CCDC28A: variants seen among roughly 807,000 people sequenced by gnomAD.
The protein encoded by CCDC28A is coiled-coil domain containing 28A.
Under a neutral mutation model 22.1 loss-of-function variants are expected in CCDC28A, and 24 were observed. The ratio of observed to expected loss-of-function variants is 1.09; its 90% CI spans 0.79 to 1.53. The LOEUF is 1.53. Ranked by LOEUF, CCDC28A falls within the 40% of genes most tolerant of loss-of-function variation. The pLI is 0.00. For synonymous variants in CCDC28A, 83 were observed against 74.7 expected (o/e 1.11, Z -0.57); for missense variants, 170 against 210.7 (o/e 0.81, Z 1.20).
Position 138,779,820 on chromosome 6 carries a change from A to C in CCDC28A, c.159-2A>C. On this transcript the variant is annotated splice_acceptor_variant, in intron 2 of 5. Transcript: ENST00000617445. LOFTEE classifies it high-confidence loss of function. ...AAAGCCTAAATTTCATCGTCTTTACAGAGTGATGAAAGAAAAGACCAAACC... is the reference window on the plus strand; with the variant it reads ...AAAGCCTAAATTTCATCGTCTTTACCGAGTGATGAAAGAAAAGACCAAACC... The C allele has an allele frequency of 6.2e-7, 1 of 1,609,390 alleles. No individual in the cohort carries two copies. Among genetic ancestry groups the C allele is most frequent in the Non-Finnish European group, 8.5e-7 (1 of 1,178,306 alleles).
Position 138,779,918 on chromosome 6 carries a change from T to C in CCDC28A, c.255T>C (p.Val85=). Residue 85 remains valine, a synonymous_variant, in exon 3 of 6, where the codon GTT becomes GTC. Transcript: ENST00000617445. ...CCTTCCTCACTGATGTCTCAGATGT[T>C]CAGGAGATGGAGAGAGGGCTGCTCA... is the stretch of plus-strand genomic sequence containing the variant. The part of the protein sequence containing the change: ...QHSFLTDVSD[V]QEMERGLLSL... 1 of 1,613,918 alleles carries C rather than the reference T, an allele frequency of 6.2e-7. No homozygotes were observed. Among genetic ancestry groups the C allele is most frequent in the Non-Finnish European group, 8.5e-7 (1 of 1,179,800 alleles).
intron 4 of CCDC28A, among the ~76,000 whole-genome samples, chr6:138,785,640 G>A (rs1775085017): frequency 6.6e-6 from 1 of 152,100 alleles, no homozygotes; most frequent in Non-Finnish European, 1.5e-5. Context: ...TTTCATATCA[G>A]TGGAATTATG....
rs151049009 is a variant in CCDC28A at position 138,773,818 on chromosome 6, T to A, written c.-127T>A. 6.2e-7 allele frequency: 1 copy of A among 1,613,988 alleles called. No individual in the cohort carries two copies. The highest frequency in any genetic ancestry group is 8.5e-7 in the Non-Finnish European group (1 of 1,180,012). On this transcript the variant is annotated 5_prime_UTR_variant, in exon 1 of 6. Coordinates refer to ENST00000617445, the MANE Select transcript of CCDC28A (RefSeq NM_015439.3). Reference sequence around the variant, plus strand: ...GCGGGTCCCGGGATGTGACCGGGGCTCTGCTTGTGGCTGCGGCGGTGGCTT... The same window carrying A: ...GCGGGTCCCGGGATGTGACCGGGGCACTGCTTGTGGCTGCGGCGGTGGCTT...
intron 1 of CCDC28A, among the ~76,000 whole-genome samples, chr6:138,775,152 G>A (rs1398542096): frequency 6.6e-6 from 1 of 152,222 alleles, no homozygotes; most frequent in Non-Finnish European, 1.5e-5. Context: ...TGTTAGCCAG[G>A]ATGGTCTCGA....
chr6:138,789,948 A>G (rs186853457), intron 5 of CCDC28A, among the ~76,000 whole-genome samples: 42 of 152,244 alleles, frequency 2.8e-4, no homozygotes, highest in Admixed American at 1.0e-3. Flanking sequence ...TATGCCCCCC[A>G]TTTTGCAGAT....
intron 3 of CCDC28A, among the ~76,000 whole-genome samples, chr6:138,781,541 GA>G (rs1327502241): frequency 3.9e-5 from 6 of 152,070 alleles, no homozygotes; most frequent in African/African-American, 1.4e-4. Flanking sequence ...AATAATTTAT[GA>G]AAAAATGCTT....
chr6:138,778,109 G>A (rs1774963078), intron 2 of CCDC28A, among the ~76,000 whole-genome samples: 1 of 152,160 alleles, frequency 6.6e-6, no homozygotes, highest in African/African-American at 2.4e-5. Context: ...AACAATGTAT[G>A]TATTCTAAAC....
At chr6:138,775,333 C>T (rs1774914105) in intron 1 of CCDC28A, among the ~76,000 whole-genome samples, 1 of 152,080 alleles carries the variant, frequency 6.6e-6, no homozygotes, top group Non-Finnish European at 1.5e-5. Context: ...ACACGTATTC[C>T]GCATGGAAGG....
chr6:138,779,673 G>A (rs1414190467), intron 2 of CCDC28A, 149 bp from the exon 3 acceptor site: 3 of 467,636 alleles, frequency 6.4e-6, no homozygotes, highest in Non-Finnish European at 1.1e-5. Flanking sequence ...TTTTTCTTTT[G>A]GTTTCTGGCT....
intron 1 of CCDC28A, 143 bp downstream of exon 1, chr6:138,774,045 GC>G: frequency 2.0e-6 from 2 of 1,010,032 alleles, no homozygotes; most frequent in Non-Finnish European, 2.9e-6. Flanking sequence ...CAAGAGGGAT[GC>G]CCAGTGGTAC....
At chr6:138,777,722 A>G (rs1583520065) in intron 2 of CCDC28A, among the ~76,000 whole-genome samples, 4 of 152,304 alleles carry the variant, frequency 2.6e-5, no homozygotes, top group African/African-American at 9.6e-5. Context: ...AAGCAGGAAT[A>G]AACAGGTTTT....
intron 1 of CCDC28A, among the ~76,000 whole-genome samples, chr6:138,774,490 C>T (rs1774895276): frequency 6.6e-6 from 1 of 152,180 alleles, no homozygotes; most frequent in African/African-American, 2.4e-5. Context: ...AAAAATGCTT[C>T]TTAAAAGAAA....
At chr6:138,781,730 C>G (rs1028621150) in intron 3 of CCDC28A, among the ~76,000 whole-genome samples, 1 of 152,000 alleles carries the variant, frequency 6.6e-6, no homozygotes, top group Admixed American at 6.6e-5. Flanking sequence ...GTTATTTATC[C>G]TTTTGTTGTT....
intron 5 of CCDC28A, 21 bp downstream of exon 5, chr6:138,788,409 A>G: frequency 1.6e-6 from 2 of 1,212,338 alleles, no homozygotes. Flanking sequence ...TCTGCTATCA[A>G]CAGTGAAAAG....
At chr6:138,792,294 C>T (rs1342541004) in intron 5 of CCDC28A, among the ~76,000 whole-genome samples, 7 of 151,858 alleles carry the variant, frequency 4.6e-5, no homozygotes, top group Non-Finnish European at 8.8e-5. Flanking sequence ...TTTGGGAGGC[C>T]GAGGCAGGAA....
chr6:138,788,365 GT>G lies in CCDC28A; in HGVS notation c.479del (p.Leu160Ter). 1 of 1,202,018 alleles carries G rather than the reference GT, an allele frequency of 8.3e-7. No individual in the cohort carries two copies. The highest frequency in any genetic ancestry group is 1.6e-5 in the African/African-American group (1 of 62,678). 74.5% of individuals were successfully genotyped at this position (1,202,018 alleles called of 1,614,324 possible). A position where few individuals can be genotyped will look rare whatever the true frequency, so the allele number is the denominator to read the frequency against. On this transcript the variant is annotated frameshift_variant and splice_region_variant, in exon 5 of 6. Transcript: ENST00000617445. LOFTEE classifies it high-confidence loss of function. ...AATAAATTTGTTTCTTTGTTTTACA[GT>G]TAGAAGAATTGAATTCTTCCATGTA... ...DSNLDRLLSD[L>X]EELNSSIQKL...
intron 4 of CCDC28A, among the ~76,000 whole-genome samples, chr6:138,787,766 G>A (rs1775113995): frequency 6.6e-6 from 1 of 151,774 alleles, no homozygotes; most frequent in South Asian, 2.1e-4. Context: ...CTGGGCTCAA[G>A]CAGTCCTCTC....
chr6:138,789,487 A>G (rs985894111), intron 5 of CCDC28A, among the ~76,000 whole-genome samples: 1 of 152,248 alleles, frequency 6.6e-6, no homozygotes, highest in African/African-American at 2.4e-5. Context: ...CTATAAGATT[A>G]TATTCATACT....
At chr6:138,788,564 T>TTTTA (rs1381467688) in intron 5 of CCDC28A, among the ~76,000 whole-genome samples, 176 bp downstream of exon 5, 1 of 113,528 alleles carries the variant, frequency 8.8e-6, no homozygotes, top group Non-Finnish European at 1.8e-5. Flanking sequence ...CTCTTTTTTC[T>TTTTA]TTTCTTTTTT....
Sources: gnomAD v4.1 joint callset for allele counts (sites outside exome capture counted in the v4.1 genomes callset) on GRCh38, gnomAD v4.1.1 for gene constraint, MANE v1.5 for transcripts, NCBI Gene and HGNC (gene_info 2026-07-23, HGNC 2026-07-21) for gene names.